CTNNA3: variants seen among roughly 807,000 people sequenced by gnomAD.
CTNNA3 encodes the protein catenin alpha-3.
A neutral mutation model predicts 95.7 loss-of-function variants in CTNNA3; 76 were observed. The ratio of observed to expected loss-of-function variants is 0.79; its 90% CI spans 0.66 to 0.96. CTNNA3 has a LOEUF of 0.96. Ranked by LOEUF, CTNNA3 falls within the 40% of genes least tolerant of loss-of-function variation. CTNNA3 has a pLI of 0.00. For synonymous variants in CTNNA3, 431 were observed against 374.4 expected, an observed-to-expected ratio of 1.15 and a Z score of -1.74; for missense variants, 1,191 against 1,089.8, an observed-to-expected ratio of 1.09 and a Z score of -1.31.
At chr10:67,641,386 G>T (rs1047770400) in intron 2 of CTNNA3, among the ~76,000 whole-genome samples, 4 of 151,966 alleles carry the variant, frequency 2.6e-5, no homozygotes, top group Admixed American at 1.3e-4. Context: ...TGGAGAAATA[G>T]GAACACTTTT....
chr10:67,410,211 T>C (rs186550513), intron 5 of CTNNA3, among the ~76,000 whole-genome samples: 23 of 152,142 alleles, frequency 1.5e-4, no homozygotes, highest in African/African-American at 5.3e-4. Context: ...TGCAGGGACA[T>C]GGATAGAGTT....
At chr10:67,629,010 A>T (rs1047151576) in intron 2 of CTNNA3, among the ~76,000 whole-genome samples, 97 of 146,488 alleles carry the variant, frequency 6.6e-4, no homozygotes, top group African/African-American at 1.2e-3. Context: ...GAACTCTAAT[A>T]AAAAAAAAAA....
chr10:67,291,795 T>C (rs1180574042), intron 5 of CTNNA3, among the ~76,000 whole-genome samples: 2 of 152,188 alleles, frequency 1.3e-5, no homozygotes, highest in African/African-American at 4.8e-5. Flanking sequence ...AGATAAAAGT[T>C]GTAGAGACCA....
At chr10:67,693,143 C>T (rs139577585) in intron 1 of CTNNA3, among the ~76,000 whole-genome samples, 1 of 152,320 alleles carries the variant, frequency 6.6e-6, no homozygotes, top group Non-Finnish European at 1.5e-5. Flanking sequence ...AGATTACTCG[C>T]TGAATCCCAG....
chr10:66,079,401 AATT>A (rs1362938462), intron 14 of CTNNA3: 30 of 152,166 alleles, frequency 2.0e-4, no homozygotes, highest in Admixed American at 1.6e-3. Context: ...TATAATGACA[AATT>A]ATATGAATAG....
At chr10:66,146,502 G>A (rs2083892980) in intron 13 of CTNNA3, among the ~76,000 whole-genome samples, 2 of 152,122 alleles carry the variant, frequency 1.3e-5, no homozygotes, top group South Asian at 4.1e-4. Context: ...GACAATTACA[G>A]ACAATAGGAT....
chr10:67,524,779 G>A (rs1314126503), intron 4 of CTNNA3, among the ~76,000 whole-genome samples: 3 of 152,078 alleles, frequency 2.0e-5, no homozygotes, highest in Non-Finnish European at 2.9e-5. Flanking sequence ...ACACATGTAC[G>A]CTTAAAGATA....
chr10:67,305,262 C>T (rs1188488373), intron 5 of CTNNA3, among the ~76,000 whole-genome samples: 1 of 151,348 alleles, frequency 6.6e-6, no homozygotes, highest in Non-Finnish European at 1.5e-5. Context: ...GGTGACAGAG[C>T]GAGACTCCAC....
intron 7 of CTNNA3, among the ~76,000 whole-genome samples, chr10:66,819,065 C>G (rs1018539927): frequency 4.8e-5 from 7 of 145,916 alleles, no homozygotes; most frequent in Non-Finnish European, 1.0e-4. Context: ...ACTCCAGAGC[C>G]TGGGCAACAG....
At chr10:67,307,476 T>C (rs189028932) in intron 5 of CTNNA3, among the ~76,000 whole-genome samples, 2 of 152,194 alleles carry the variant, frequency 1.3e-5, no homozygotes, top group Admixed American at 6.5e-5. Context: ...GTTTGTTTGT[T>C]TGTTTGTTTG....
chr10:67,045,576 G>C (rs938243418), intron 7 of CTNNA3, among the ~76,000 whole-genome samples: 1 of 152,132 alleles, frequency 6.6e-6, no homozygotes, highest in African/African-American at 2.4e-5. Flanking sequence ...GGTTCCCCAC[G>C]AACTTCCATT....
intron 10 of CTNNA3, among the ~76,000 whole-genome samples, chr10:66,537,805 T>A (rs866340483): frequency 2.6e-4 from 39 of 151,690 alleles, no homozygotes; most frequent in African/African-American, 9.2e-4. Flanking sequence ...TGAATTTTTT[T>A]AAAAAACTTC....
intron 13 of CTNNA3, among the ~76,000 whole-genome samples, chr10:66,144,669 G>A (rs1424439887): frequency 2.6e-5 from 4 of 152,058 alleles, no homozygotes; most frequent in African/African-American, 7.2e-5. Context: ...GTATTTTTTA[G>A]TAGAGACGGG....
chr10:66,422,504 T>C (rs896382250), intron 11 of CTNNA3, among the ~76,000 whole-genome samples: 1 of 152,082 alleles, frequency 6.6e-6, no homozygotes, highest in African/African-American at 2.4e-5. Context: ...GCATCATTGA[T>C]GATCTTTTTG....
At chr10:67,280,098 A>G (rs1025670552) in intron 5 of CTNNA3, among the ~76,000 whole-genome samples, 1 of 150,354 alleles carries the variant, frequency 6.7e-6, no homozygotes, top group Non-Finnish European at 1.5e-5. Flanking sequence ...AAATTAAAGG[A>G]TATCAAAAGG....
At chr10:67,025,128 TCAAAAA>T (rs1853277738) in intron 7 of CTNNA3, among the ~76,000 whole-genome samples, 1 of 25,706 alleles carries the variant, frequency 3.9e-5, no homozygotes, top group South Asian at 2.0e-3. Flanking sequence ...CAAAACTCTG[TCAAAAA>T]CAAAAAAAAA....
chr10:67,003,738 G>A (rs969293737), intron 7 of CTNNA3, among the ~76,000 whole-genome samples: 2 of 152,124 alleles, frequency 1.3e-5, no homozygotes, highest in Non-Finnish European at 2.9e-5. Flanking sequence ...TATTCCTCTA[G>A]AGACTAGTTA....
chr10:66,774,791 C>T (rs1016167551), intron 8 of CTNNA3, among the ~76,000 whole-genome samples: 14 of 152,150 alleles, frequency 9.2e-5, no homozygotes, highest in Non-Finnish European at 1.8e-4. Context: ...TTGAAAATAG[C>T]TAAGTCTTCC....
chr10:67,074,538 G>C (rs1856647935), intron 7 of CTNNA3, among the ~76,000 whole-genome samples: 1 of 150,736 alleles, frequency 6.6e-6, no homozygotes, highest in African/African-American at 2.4e-5. Flanking sequence ...TTTTAGTAGA[G>C]ATGGGGTTTC....
Sources: allele counts gnomAD v4.1 joint callset (sites outside exome capture counted in the v4.1 genomes callset), GRCh38; gene constraint gnomAD v4.1.1; transcripts MANE v1.5; gene names NCBI Gene and HGNC (gene_info 2026-07-23, HGNC 2026-07-21).